NTRK2: variants seen among roughly 807,000 people sequenced by gnomAD.
NTRK2 encodes neurotrophic receptor tyrosine kinase 2.
In NTRK2, 13 loss-of-function variants were observed where a neutral mutation model predicts 94.5. That is an observed-to-expected ratio of 0.14 (90% CI 0.09 to 0.22). NTRK2 has a LOEUF of 0.22. Ranked by LOEUF, NTRK2 falls within the 10% of genes least tolerant of loss-of-function variation. The probability of loss-of-function intolerance (pLI) is 1.00; values close to 1 mark genes in which losing one functional copy is unlikely to be tolerated. For missense variants in NTRK2, 639 were observed against 1,071.2 expected, an observed-to-expected ratio of 0.60 and a Z score of 5.63; for synonymous variants, 372 against 407.4, an observed-to-expected ratio of 0.91 and a Z score of 1.05.
chr9:84,959,438 G>A (rs1369456123), intron 17 of NTRK2, among the ~76,000 whole-genome samples: 1 of 152,186 alleles, frequency 6.6e-6, no homozygotes, highest in African/African-American at 2.4e-5. Flanking sequence ...TTCCACTCAT[G>A]GTGGCTTATA....
intron 12 of NTRK2, among the ~76,000 whole-genome samples, chr9:84,797,401 C>A (rs1176285388): frequency 1.3e-5 from 2 of 149,172 alleles, no homozygotes; most frequent in Admixed American, 6.9e-5. Flanking sequence ...TTTGGTGATA[C>A]CTGCATAACT....
intron 12 of NTRK2, among the ~76,000 whole-genome samples, chr9:84,770,839 TA>T (rs2066475516): frequency 1.3e-5 from 2 of 152,200 alleles, no homozygotes; most frequent in Admixed American, 1.3e-4. Context: ...ACAGAGCTAG[TA>T]ATTGGTAGAA....
chr9:84,791,127 T>C (rs978127079), intron 12 of NTRK2, among the ~76,000 whole-genome samples: 1 of 152,214 alleles, frequency 6.6e-6, no homozygotes, highest in African/African-American at 2.4e-5. Flanking sequence ...GTTCTTTTGG[T>C]AACTTATGCA....
At chr9:84,742,303 G>A (rs976426848) in intron 10 of NTRK2, among the ~76,000 whole-genome samples, 1 of 152,200 alleles carries the variant, frequency 6.6e-6, no homozygotes, top group African/African-American at 2.4e-5. Context: ...TGTTTCTTGT[G>A]TAATGAAGGT....
chr9:84,729,162 A>G (rs2062668457), intron 9 of NTRK2, among the ~76,000 whole-genome samples: 1 of 152,210 alleles, frequency 6.6e-6, no homozygotes, highest in African/African-American at 2.4e-5. Context: ...ACAATAAACA[A>G]GAATGCAGTC....
intron 2 of NTRK2, among the ~76,000 whole-genome samples, chr9:84,682,812 A>G (rs947429472): frequency 2.0e-5 from 3 of 152,204 alleles, no homozygotes; most frequent in African/African-American, 7.2e-5. Flanking sequence ...TTTTCACTTG[A>G]CGATGTATCT....
chr9:85,006,299 G>A (rs1167512427), intron 17 of NTRK2, among the ~76,000 whole-genome samples: 2 of 152,186 alleles, frequency 1.3e-5, no homozygotes, highest in African/African-American at 4.8e-5. Context: ...ATAGTGGTAG[G>A]GGTGGGAGTG....
At position 84,763,538 on chromosome 9, in the gene NTRK2, A is replaced by G. The variant is rs569094020; in HGVS notation, c.1396+11453A>G. The stretch of plus-strand genomic sequence containing the variant: ...GAAAGAATACTAACAATGAATATTC[A>G]TACACTCAACACCTAGATTCAACTT... On this transcript the variant is annotated intron_variant, in intron 12 of 18. Transcript: ENST00000277120. Among the ~76,000 whole-genome samples the G allele has an allele frequency of 2.0e-5, 3 of 152,236 alleles. No homozygotes were observed. In the East Asian group the frequency reaches 5.8e-4, roughly 29 times the overall value.
chr9:84,848,265 T>G (rs2074570587), intron 12 of NTRK2, among the ~76,000 whole-genome samples: 1 of 152,226 alleles, frequency 6.6e-6, no homozygotes, highest in Non-Finnish European at 1.5e-5. Flanking sequence ...GAATTCTATG[T>G]GCACACAATT....
intron 14 of NTRK2, among the ~76,000 whole-genome samples, chr9:84,901,562 G>A (rs557326065): frequency 1.3e-5 from 2 of 152,198 alleles, no homozygotes; most frequent in Admixed American, 6.5e-5. Flanking sequence ...AGTGCTTTAA[G>A]TCCAATAAAA....
intron 17 of NTRK2, among the ~76,000 whole-genome samples, chr9:84,970,251 G>A (rs912696935): frequency 1.3e-5 from 2 of 152,070 alleles, no homozygotes; most frequent in Non-Finnish European, 2.9e-5. Flanking sequence ...ACAAAAACTA[G>A]CCAGGTGTGG....
chr9:84,742,789 G>GTTTTTTTTT lies in NTRK2; in HGVS notation c.1195+881_1195+889dup, dbSNP rs757253032. On this transcript the variant is annotated intron_variant, in intron 10 of 18. Coordinates refer to ENST00000277120, the MANE Select transcript of NTRK2 (RefSeq NM_006180.6). ...AAAGAAACCAAAGTCCATTATATTAGTTTTTTTTTTTTTTTTTTTTTTTTT... is the reference window on the plus strand; with the variant it reads ...AAAGAAACCAAAGTCCATTATATTAGTTTTTTTTTTTTTTTTTTTTTTTTTTTTTTTTTT... Among the ~76,000 whole-genome samples, 314 of 103,656 alleles carry GTTTTTTTTT rather than the reference G, an allele frequency of 3.0e-3. 31 individuals are homozygous for GTTTTTTTTT. Among genetic ancestry groups the GTTTTTTTTT allele is most frequent in the African/African-American group, 0.012 (300 of 24,844 alleles). 68.0% of individuals were successfully genotyped at this position (103,656 alleles called of 152,430 possible). A position where few individuals can be genotyped will look rare whatever the true frequency, so the allele number is the denominator to read the frequency against.
intron 8 of NTRK2, among the ~76,000 whole-genome samples, chr9:84,726,234 C>A (rs2062444014): frequency 6.6e-6 from 1 of 152,200 alleles, no homozygotes; most frequent in Non-Finnish European, 1.5e-5. Context: ...CGCCTGTAAT[C>A]CCAGCACTTT....
chr9:84,837,187 A>C (rs1051026363), intron 12 of NTRK2, among the ~76,000 whole-genome samples: 12 of 151,978 alleles, frequency 7.9e-5, no homozygotes, highest in African/African-American at 2.9e-4. Context: ...CCTTTCAGGT[A>C]GGTGTTGTTA....
At chr9:84,718,865 G>C (rs959251354) in intron 6 of NTRK2, among the ~76,000 whole-genome samples, 30 of 152,140 alleles carry the variant, frequency 2.0e-4, no homozygotes, top group African/African-American at 6.5e-4. Context: ...TTCCATTATT[G>C]AATCTTTGGC....
intron 14 of NTRK2, among the ~76,000 whole-genome samples, chr9:84,899,731 A>G (rs958785138): frequency 6.6e-6 from 1 of 152,142 alleles, no homozygotes; most frequent in African/African-American, 2.4e-5. Context: ...AGACAGGAAG[A>G]AAAAGGGAAA....
At chr9:84,730,458 A>AAACAAAT (rs1350648417) in intron 9 of NTRK2, among the ~76,000 whole-genome samples, 11 of 148,988 alleles carry the variant, frequency 7.4e-5, no homozygotes, top group Admixed American at 2.0e-4. Flanking sequence ...AAAGAAAAAT[A>AAACAAAT]GGCCGGGCGC....
intron 17 of NTRK2, among the ~76,000 whole-genome samples, chr9:84,975,781 G>GAATACAATTCACACA (rs1416687065): frequency 0.028 from 4,113 of 146,580 alleles, 165 homozygotes; most frequent in African/African-American, 0.092. Flanking sequence ...CAAATTGTGT[G>GAATACAATTCACACA]AATTGTATTC....
At chr9:84,720,426 G>A (rs1023893968) in intron 6 of NTRK2, among the ~76,000 whole-genome samples, 7 of 152,186 alleles carry the variant, frequency 4.6e-5, no homozygotes, top group African/African-American at 1.7e-4. Context: ...TCTCCTCCAA[G>A]CAGGAAATTG....
Sources: gnomAD v4.1 joint callset for allele counts (sites outside exome capture counted in the v4.1 genomes callset) on GRCh38, gnomAD v4.1.1 for gene constraint, MANE v1.5 for transcripts, NCBI Gene and HGNC (gene_info 2026-07-23, HGNC 2026-07-21) for gene names.